SLC30A7: variants seen among roughly 807,000 people sequenced by gnomAD.
SLC30A7 encodes the protein zinc transporter 7.
In SLC30A7, 35 loss-of-function variants were observed where a neutral mutation model predicts 46.0. The ratio of observed to expected loss-of-function variants is 0.76; its 90% CI spans 0.58 to 1.01. The LOEUF is 1.01. Ranked by LOEUF, SLC30A7 falls within the 50% of genes least tolerant of loss-of-function variation. The pLI is 0.00. For missense variants in SLC30A7, 464 were observed against 451.1 expected, an observed-to-expected ratio of 1.03 and a Z score of -0.26; for synonymous variants, 147 against 157.8, an observed-to-expected ratio of 0.93 and a Z score of 0.51.
At chr1:100,907,441 T>C (rs1651753064) in intron 3 of SLC30A7, among the ~76,000 whole-genome samples, 1 of 152,328 alleles carries the variant, frequency 6.6e-6, no homozygotes, top group East Asian at 1.9e-4. Flanking sequence ...ATCTGTATGC[T>C]GAAGGGACTA....
intron 8 of SLC30A7, among the ~76,000 whole-genome samples, chr1:100,951,609 G>T (rs971820023): frequency 6.6e-6 from 1 of 152,132 alleles, no homozygotes; most frequent in African/African-American, 2.4e-5. Flanking sequence ...TGCCAGGCTC[G>T]TGGTAACTGC....
intron 9 of SLC30A7, among the ~76,000 whole-genome samples, chr1:100,965,419 G>A (rs1311637601): frequency 2.0e-5 from 3 of 152,150 alleles, no homozygotes; most frequent in Admixed American, 6.5e-5. Context: ...TTGGTAGTTA[G>A]CCTATATTAA....
At chr1:100,931,609 T>C (rs1170049917) in intron 8 of SLC30A7, among the ~76,000 whole-genome samples, 4 of 152,298 alleles carry the variant, frequency 2.6e-5, no homozygotes, top group African/African-American at 4.8e-5. Flanking sequence ...TGTGCTCTTA[T>C]TAAAATATTC....
the SLC30A7 span, chr1:100,992,819 G>A: frequency 4.2e-6 from 4 of 952,334 alleles, no homozygotes; most frequent in Non-Finnish European, 6.6e-6. Flanking sequence ...AGCTCTCCCA[G>A]GTATACTCAA....
At position 100,912,144 on chromosome 1, in the gene SLC30A7, G is replaced by C. The variant is rs1458885345; in HGVS notation, c.417G>C (p.Glu139Asp). The change falls in exon 5 of 11, where the codon GAG (glutamate) becomes GAC (aspartate). Residue 139 changes from glutamate (E) to aspartate (D), a missense_variant. By Grantham distance (45) the Glu-to-Asp change is conservative (BLOSUM62 2). Transcript: ENST00000357650. ...RALAPPDVHH[E>D]RLLLVSILGF... is the part of the protein sequence containing the mutation. ...TAGCCCCTCCAGATGTCCACCATGA[G>C]AGACTGCTTCTTGTTTCCATTCTTG... The C allele has an allele frequency of 1.2e-6, 2 of 1,613,806 alleles. No individual in the cohort carries two copies. Among genetic ancestry groups the C allele is most frequent in the African/African-American group, 2.7e-5 (2 of 74,914 alleles).
In SLC30A7 at chr1:100,979,452, A is replaced by G. The variant is rs1037774586; in HGVS notation, c.*4595A>G. The G allele has an allele frequency of 4.0e-5, 6 of 150,852 alleles. No individual in the cohort carries two copies. Among genetic ancestry groups the G allele is most frequent in the Non-Finnish European group, 7.4e-5 (5 of 67,636 alleles). The allele number at this position is 150,852 out of a possible 1,614,324, so 9.3% of individuals were successfully genotyped here. A position where few individuals can be genotyped will look rare whatever the true frequency, so the allele number is the denominator to read the frequency against. Reference sequence around the variant, plus strand: ...TTATGTATCCAAAAAAAAAAAAAAAAAAAAAAGAAAAGGAGCAGGGAAGGA... The same window carrying G: ...TTATGTATCCAAAAAAAAAAAAAAAGAAAAAAGAAAAGGAGCAGGGAAGGA... On this transcript the variant is annotated 3_prime_UTR_variant, in exon 11 of 11. Coordinates refer to ENST00000357650, the MANE Select transcript of SLC30A7 (RefSeq NM_133496.5).
chr1:100,959,108 G>C (rs1655398782), intron 8 of SLC30A7, among the ~76,000 whole-genome samples: 1 of 152,176 alleles, frequency 6.6e-6, no homozygotes, highest in South Asian at 2.1e-4. Context: ...TATTTGGAGA[G>C]TTTAAAATAT....
At chr1:100,940,992 C>T (rs1654311635) in intron 8 of SLC30A7, 3 of 368,634 alleles carry the variant, frequency 8.1e-6, no homozygotes, top group Non-Finnish European at 1.6e-5. Flanking sequence ...TTCTCTCCTG[C>T]TAAACTTTAT....
intron 8 of SLC30A7, among the ~76,000 whole-genome samples, chr1:100,954,846 T>C (rs1655141435): frequency 6.6e-6 from 1 of 152,104 alleles, no homozygotes; most frequent in African/African-American, 2.4e-5. Context: ...TAAATGTGAA[T>C]TGCGTTACCA....
At chr1:100,990,155 C>CG in the SLC30A7 span, 5 of 467,822 alleles carry the variant, frequency 1.1e-5, no homozygotes, top group East Asian at 2.0e-4. Flanking sequence ...GGCACCTCTT[C>CG]ACAGGGCGGC....
chr1:100,955,959 G>A (rs1570579450), intron 8 of SLC30A7, among the ~76,000 whole-genome samples: 1 of 152,164 alleles, frequency 6.6e-6, no homozygotes. Context: ...GAGAAAGTTA[G>A]TGTGACATAT....
chr1:100,913,798 A>T lies in SLC30A7; in HGVS notation c.647A>T (p.His216Leu), dbSNP rs1047924461. The T allele has an allele frequency of 1.2e-6, 2 of 1,613,796 alleles. No homozygotes were observed. The highest frequency in any genetic ancestry group is 1.7e-6 in the Non-Finnish European group (2 of 1,179,840). ...HDHAHGHGHFHSHDGPSLKET... is the reference protein window; with the variant it reads ...HDHAHGHGHFLSHDGPSLKET... ...CATGCTCATGGACATGGACACTTTC[A>T]TTCTCATGGTGAGTACAGCCTAGAG... Residue 216 changes from histidine to leucine, a missense_variant, in exon 6 of 11, where the codon CAT becomes CTT. Transcript: ENST00000357650.
chr1:100,905,864 C>A (rs1161418404), intron 2 of SLC30A7, among the ~76,000 whole-genome samples: 1 of 152,136 alleles, frequency 6.6e-6, no homozygotes, highest in Non-Finnish European at 1.5e-5. Context: ...TCTAATAGTT[C>A]CAACATTGGG....
intron 3 of SLC30A7, among the ~76,000 whole-genome samples, chr1:100,908,816 A>C (rs1304685774): frequency 2.0e-5 from 3 of 152,128 alleles, no homozygotes; most frequent in African/African-American, 7.2e-5. Context: ...CTTATTCTAC[A>C]ATCTTTCTGA....
chr1:100,909,070 T>TGTGC (rs918272181), intron 3 of SLC30A7, among the ~76,000 whole-genome samples: 1 of 151,556 alleles, frequency 6.6e-6, no homozygotes, highest in Non-Finnish European at 1.5e-5. Flanking sequence ...TGTGTGTGTG[T>TGTGC]GTTTTCTTTT....
chr1:100,929,902 T>A (rs1653563682), intron 8 of SLC30A7, among the ~76,000 whole-genome samples: 1 of 152,114 alleles, frequency 6.6e-6, no homozygotes, highest in African/African-American at 2.4e-5. Flanking sequence ...GTTCTGCTCC[T>A]TTTTTCCCTA....
intron 8 of SLC30A7, chr1:100,941,086 G>C: frequency 3.2e-6 from 1 of 316,700 alleles, no homozygotes; most frequent in Non-Finnish European, 6.1e-6. Flanking sequence ...TCATAGTTTA[G>C]AAAAGAATTT....
At chr1:100,990,553 C>T in the SLC30A7 span, 4 of 1,614,126 alleles carry the variant, frequency 2.5e-6, no homozygotes, top group Non-Finnish European at 3.4e-6. Flanking sequence ...GCACATTTGC[C>T]TTAAAGTGCC....
At chr1:100,925,663 G>C (rs1299544143) in intron 8 of SLC30A7, among the ~76,000 whole-genome samples, 1 of 152,202 alleles carries the variant, frequency 6.6e-6, no homozygotes, top group Non-Finnish European at 1.5e-5. Flanking sequence ...CTGGGCAACT[G>C]AGTGAATGAG....
Sources: allele counts gnomAD v4.1 joint callset (sites outside exome capture counted in the v4.1 genomes callset), GRCh38; gene constraint gnomAD v4.1.1; transcripts MANE v1.5; gene names NCBI Gene and HGNC (gene_info 2026-07-23, HGNC 2026-07-21).